NEGR1: variants seen among roughly 807,000 people sequenced by gnomAD.
NEGR1 encodes the protein IgLON family member 4.
NEGR1 carries 10 observed loss-of-function variants against 40.9 expected under a neutral mutation model. The ratio of observed to expected loss-of-function variants is 0.24; its 90% CI spans 0.15 to 0.42. The LOEUF is 0.42. NEGR1 is among the 10% of genes least tolerant of loss of function. The pLI is 1.00. For synonymous variants in NEGR1, 185 were observed against 166.8 expected, an observed-to-expected ratio of 1.11 and a Z score of -0.84; for missense variants, 352 against 438.9, an observed-to-expected ratio of 0.80 and a Z score of 1.77.
chr1:71,471,070 T>A (rs1056967335), intron 6 of NEGR1, among the ~76,000 whole-genome samples: 1 of 152,132 alleles, frequency 6.6e-6, no homozygotes, highest in Non-Finnish European at 1.5e-5. Context: ...ACAATTCTCA[T>A]CAAGTTATAT....
chr1:71,646,193 T>C (rs1453190363), intron 4 of NEGR1, among the ~76,000 whole-genome samples: 1 of 151,790 alleles, frequency 6.6e-6, no homozygotes, highest in Admixed American at 6.6e-5. Flanking sequence ...TATTGTTTTG[T>C]ACATATATAC....
intron 1 of NEGR1, among the ~76,000 whole-genome samples, chr1:72,083,147 T>C (rs904061509): frequency 1.1e-4 from 17 of 152,178 alleles, no homozygotes; most frequent in African/African-American, 4.1e-4. Flanking sequence ...TCTAGTGATG[T>C]CTACTTATAA....
At chr1:71,477,465 T>A (rs1646828564) in intron 6 of NEGR1, 1 of 152,158 alleles carries the variant, frequency 6.6e-6, no homozygotes, top group Non-Finnish European at 1.5e-5. Flanking sequence ...CAAGTTAACA[T>A]TTCTTGACTC....
At chr1:72,081,343 A>T (rs1042174706) in intron 1 of NEGR1, among the ~76,000 whole-genome samples, 1 of 152,098 alleles carries the variant, frequency 6.6e-6, no homozygotes, top group South Asian at 2.1e-4. Context: ...TCCCACTCCC[A>T]CTTACTGTAT....
At chr1:71,438,339 C>T (rs530595109) in intron 6 of NEGR1, among the ~76,000 whole-genome samples, 32 of 152,234 alleles carry the variant, frequency 2.1e-4, no homozygotes, top group African/African-American at 7.5e-4. Context: ...AGAATCTTTC[C>T]TTATTGTAAT....
chr1:71,821,768 G>A (rs2101777427), intron 2 of NEGR1, among the ~76,000 whole-genome samples: 1 of 152,132 alleles, frequency 6.6e-6, no homozygotes, highest in Non-Finnish European at 1.5e-5. Context: ...TGAAAAATAT[G>A]TCCTGGTAGA....
intron 6 of NEGR1, among the ~76,000 whole-genome samples, chr1:71,481,253 GC>G (rs1413500435): frequency 6.6e-6 from 1 of 151,686 alleles, no homozygotes; most frequent in Non-Finnish European, 1.5e-5. Flanking sequence ...CATAGTGGGT[GC>G]TCAATTGGTG....
intron 6 of NEGR1, among the ~76,000 whole-genome samples, chr1:71,575,740 G>C (rs543264361): frequency 6.6e-6 from 1 of 152,054 alleles, no homozygotes; most frequent in Non-Finnish European, 1.5e-5. Context: ...CCGAGATCTC[G>C]CCACTGCACT....
intron 2 of NEGR1, 72 bp downstream of exon 2, chr1:71,935,007 C>G (rs543070801): frequency 6.0e-5 from 51 of 851,536 alleles, no homozygotes; most frequent in Non-Finnish European, 9.4e-5. Context: ...GCTTCCTAGT[C>G]ATTTTGATAC....
chr1:71,747,135 A>C (rs1018499715), intron 3 of NEGR1, among the ~76,000 whole-genome samples: 1 of 152,194 alleles, frequency 6.6e-6, no homozygotes, highest in African/African-American at 2.4e-5. Context: ...GCTTTTTATC[A>C]TATAAAGGGG....
intron 2 of NEGR1, among the ~76,000 whole-genome samples, chr1:71,909,237 G>A (rs1265600434): frequency 1.3e-5 from 2 of 152,052 alleles, no homozygotes; most frequent in Admixed American, 6.5e-5. Flanking sequence ...CACGTAGCAG[G>A]GCATATCAGC....
At chr1:71,659,481 G>T (rs1570163440) in intron 4 of NEGR1, among the ~76,000 whole-genome samples, 1 of 152,034 alleles carries the variant, frequency 6.6e-6, no homozygotes, top group Non-Finnish European at 1.5e-5. Context: ...TTGACAAGTG[G>T]GATTTAATTA....
intron 2 of NEGR1, among the ~76,000 whole-genome samples, chr1:71,932,167 A>T (rs1037068857): frequency 2.6e-5 from 4 of 152,152 alleles, no homozygotes; most frequent in African/African-American, 9.7e-5. Context: ...CAGGAGCTAT[A>T]TGTAAACATT....
chr1:71,566,838 G>C (rs1186337347), intron 6 of NEGR1, among the ~76,000 whole-genome samples: 2 of 152,100 alleles, frequency 1.3e-5, no homozygotes, highest in South Asian at 4.1e-4. Flanking sequence ...CCAACATAAA[G>C]GTGAATTCAG....
intron 1 of NEGR1, among the ~76,000 whole-genome samples, chr1:72,064,653 C>A (rs1413360992): frequency 1.3e-5 from 2 of 152,006 alleles, no homozygotes; most frequent in Non-Finnish European, 2.9e-5. Context: ...AGGATATGCT[C>A]TACAGAAAAG....
rs531032349 is a variant in NEGR1, at chr1:71,920,469, T to C, written c.409+14610A>G. The stretch of plus-strand genomic sequence containing the variant: ...CCACTACTTCACCCCAAAAGCTGGG[T>C]ATGATCCTACAGAAAAAGAAGACCT... On this transcript the variant is annotated intron_variant, in intron 2 of 6. Transcript: ENST00000357731. Among the ~76,000 whole-genome samples, 6 of 152,234 alleles carry C rather than the reference T, an allele frequency of 3.9e-5. No individual in the cohort carries two copies. The East Asian group carries it at 9.7e-4, about 25-fold the overall frequency.
chr1:71,848,379 C>T (rs143545225), intron 2 of NEGR1, among the ~76,000 whole-genome samples: 1 of 152,260 alleles, frequency 6.6e-6, no homozygotes, highest in East Asian at 1.9e-4. Flanking sequence ...GAGGTCAAAA[C>T]CTGGCTTCCG....
At chr1:71,669,631 T>C (rs1412356157) in intron 4 of NEGR1, among the ~76,000 whole-genome samples, 1 of 152,016 alleles carries the variant, frequency 6.6e-6, no homozygotes, top group Non-Finnish European at 1.5e-5. Flanking sequence ...TTTATGTCAT[T>C]GCCACCATAT....
intron 4 of NEGR1, among the ~76,000 whole-genome samples, chr1:71,676,038 T>C (rs747868505): frequency 1.3e-5 from 2 of 152,166 alleles, no homozygotes; most frequent in Non-Finnish European, 2.9e-5. Context: ...TTTTATAGAA[T>C]TCAGTTATTA....
Sources: allele counts gnomAD v4.1 joint callset (sites outside exome capture counted in the v4.1 genomes callset), GRCh38; gene constraint gnomAD v4.1.1; transcripts MANE v1.5; gene names NCBI Gene and HGNC (gene_info 2026-07-23, HGNC 2026-07-21).